GRIK2: variants seen among roughly 807,000 people sequenced by gnomAD.
GRIK2 encodes the protein glutamate receptor ionotropic, kainate 2.
In GRIK2, 32 loss-of-function variants were observed where a neutral mutation model predicts 100.3. That is an observed-to-expected ratio of 0.32 (90% CI 0.24 to 0.43). The LOEUF is 0.43. Ranked by LOEUF, GRIK2 falls within the 20% of genes least tolerant of loss-of-function variation. The pLI is 1.00. For synonymous variants in GRIK2, 417 were observed against 389.4 expected, an observed-to-expected ratio of 1.07 and a Z score of -0.83; for missense variants, 843 against 1,114.9, an observed-to-expected ratio of 0.76 and a Z score of 3.47.
chr6:102,009,140 A>G (rs1212940040), intron 14 of GRIK2, among the ~76,000 whole-genome samples: 2 of 152,048 alleles, frequency 1.3e-5, no homozygotes, highest in Non-Finnish European at 2.9e-5. Flanking sequence ...GTAGATATGT[A>G]CTTTATGTTT....
At chr6:101,578,850 T>C (rs1028923422) in intron 2 of GRIK2, among the ~76,000 whole-genome samples, 1 of 152,202 alleles carries the variant, frequency 6.6e-6, no homozygotes, top group Admixed American at 6.5e-5. Flanking sequence ...TCCAGCAACA[T>C]ATAAATTCCA....
intron 2 of GRIK2, among the ~76,000 whole-genome samples, chr6:101,553,208 A>T (rs933437965): frequency 6.6e-6 from 1 of 152,238 alleles, no homozygotes; most frequent in Admixed American, 6.5e-5. Context: ...TTAATATGGC[A>T]CGGCAATTAA....
chr6:101,835,430 A>G (rs992526286), intron 10 of GRIK2, among the ~76,000 whole-genome samples: 3 of 147,644 alleles, frequency 2.0e-5, no homozygotes, highest in East Asian at 2.0e-4. Flanking sequence ...AAAACTACCC[A>G]TTATAAAAAG....
chr6:101,704,325 T>C (rs1221882263), intron 7 of GRIK2, among the ~76,000 whole-genome samples: 1 of 151,666 alleles, frequency 6.6e-6, no homozygotes, highest in Non-Finnish European at 1.5e-5. Flanking sequence ...TGCTGGACAG[T>C]GAAAATGTGG....
chr6:101,612,147 C>T (rs1779707445), intron 2 of GRIK2, among the ~76,000 whole-genome samples: 1 of 151,930 alleles, frequency 6.6e-6, no homozygotes, highest in Non-Finnish European at 1.5e-5. Context: ...GTGTAACTGA[C>T]CTTAGGAAGG....
At chr6:101,707,114 A>G (rs1667404341) in intron 7 of GRIK2, among the ~76,000 whole-genome samples, 1 of 151,872 alleles carries the variant, frequency 6.6e-6, no homozygotes, top group African/African-American at 2.4e-5. Flanking sequence ...TTAAAAAGCA[A>G]CAACAAAAAC....
At chr6:101,517,760 A>G (rs1043803085) in intron 2 of GRIK2, among the ~76,000 whole-genome samples, 5 of 152,252 alleles carry the variant, frequency 3.3e-5, no homozygotes, top group African/African-American at 1.2e-4. Flanking sequence ...TGTTTCTTCT[A>G]CAGTGGTGTG....
At chr6:101,758,393 T>C (rs946378727) in intron 7 of GRIK2, among the ~76,000 whole-genome samples, 41 of 152,222 alleles carry the variant, frequency 2.7e-4, no homozygotes, top group African/African-American at 9.6e-4. Context: ...CCATTTGATA[T>C]ATTATCCTCC....
intron 11 of GRIK2, among the ~76,000 whole-genome samples, chr6:101,883,368 A>G (rs1297364217): frequency 6.6e-6 from 1 of 151,488 alleles, no homozygotes; most frequent in East Asian, 1.9e-4. Context: ...TGCAATAGTG[A>G]TAGTTTTATT....
At chr6:101,811,726 G>A (rs1764923540) in intron 9 of GRIK2, among the ~76,000 whole-genome samples, 1 of 151,816 alleles carries the variant, frequency 6.6e-6, no homozygotes, top group Admixed American at 6.6e-5. Context: ...GCTACTTTCA[G>A]AGGTTAACAA....
intron 11 of GRIK2, among the ~76,000 whole-genome samples, chr6:101,889,311 GAA>G (rs917775049): frequency 5.3e-5 from 8 of 151,698 alleles, no homozygotes; most frequent in African/African-American, 1.9e-4. Flanking sequence ...AAGCAATTTT[GAA>G]AAGTCTAGTA....
intron 2 of GRIK2, among the ~76,000 whole-genome samples, chr6:101,481,473 CT>C (rs958387809): frequency 1.7e-4 from 26 of 152,156 alleles, no homozygotes; most frequent in African/African-American, 6.0e-4. Flanking sequence ...GAAGACATTA[CT>C]TCTAAGACAG....
chr6:102,031,129 C>A (rs72968246), intron 14 of GRIK2, among the ~76,000 whole-genome samples: 1,383 of 52,864 alleles, frequency 0.026, 34 homozygotes, highest in Middle Eastern at 0.07. Flanking sequence ...ACACACACAC[C>A]CCCTTTGAGT....
chr6:101,917,191 T>C (rs2128467725), intron 12 of GRIK2, among the ~76,000 whole-genome samples: 1 of 151,778 alleles, frequency 6.6e-6, no homozygotes, highest in East Asian at 1.9e-4. Flanking sequence ...AGAGTTACCC[T>C]AGCAACTCTC....
chr6:101,459,986 A>G lies in GRIK2; in HGVS notation c.115+60594A>G, dbSNP rs550330190. On this transcript the variant is annotated intron_variant, in intron 2 of 16. Transcript: ENST00000369134. ...TGGTCAGGCTGGTCTCGAACTTCCAATCTTAGGTGGTCTGCCCACCTCGGC... is the reference window on the plus strand; with the variant it reads ...TGGTCAGGCTGGTCTCGAACTTCCAGTCTTAGGTGGTCTGCCCACCTCGGC... Among the ~76,000 whole-genome samples the G allele has an allele frequency of 2.2e-4, 33 of 152,058 alleles. No homozygotes were observed. In the South Asian group the frequency reaches 6.5e-3, roughly 30 times the overall value.
chr6:101,448,380 TG>T (rs1001474589), intron 2 of GRIK2, among the ~76,000 whole-genome samples: 9 of 151,618 alleles, frequency 5.9e-5, no homozygotes, highest in African/African-American at 2.2e-4. Context: ...AAGTTATTTA[TG>T]GGGGAAAAAT....
In GRIK2 at chr6:101,799,889, T is replaced by G. The variant is rs76366603; in HGVS notation, c.1095+98T>G. ...TTCTAGCAAGTGTCCTTTTACTTTATGTTTAATTTAAATTTTCTCTCTTAC... is the reference window on the plus strand; with the variant it reads ...TTCTAGCAAGTGTCCTTTTACTTTAGGTTTAATTTAAATTTTCTCTCTTAC... On this transcript the variant is annotated intron_variant, in intron 8 of 16. Coordinates refer to ENST00000369134, the MANE Select transcript of GRIK2 (RefSeq NM_021956.5). 1.2e-3 allele frequency: 1,073 copies of G among 919,148 alleles called. 10 individuals carry two copies. In the East Asian group the frequency reaches 0.027, roughly 23 times the overall value. The allele number at this position is 919,148 out of a possible 1,614,324, so 56.9% of individuals were successfully genotyped here. A position where few individuals can be genotyped will look rare whatever the true frequency, so the allele number is the denominator to read the frequency against.
intron 7 of GRIK2, among the ~76,000 whole-genome samples, chr6:101,738,529 CTT>C (rs199631780): frequency 6.6e-6 from 1 of 152,244 alleles, no homozygotes; most frequent in East Asian, 1.9e-4. Context: ...ATCTTCACAG[CTT>C]TTTTTATCCC....
intron 2 of GRIK2, among the ~76,000 whole-genome samples, chr6:101,497,041 C>T (rs1447431526): frequency 6.6e-6 from 1 of 152,220 alleles, no homozygotes; most frequent in African/African-American, 2.4e-5. Context: ...GTTCTGCTCA[C>T]TCACTCTGCT....
Sources: gnomAD v4.1 joint callset for allele counts (sites outside exome capture counted in the v4.1 genomes callset) on GRCh38, gnomAD v4.1.1 for gene constraint, MANE v1.5 for transcripts, NCBI Gene and HGNC (gene_info 2026-07-23, HGNC 2026-07-21) for gene names.